The following TXNDC16 variants were observed in gnomAD, a reference collection of about 807,000 sequenced individuals.
TXNDC16 encodes thioredoxin domain containing 16.
TXNDC16 carries 74 observed loss-of-function variants against 85.6 expected under a neutral mutation model. That is an observed-to-expected ratio of 0.86 (90% confidence interval 0.72 to 1.05). The LOEUF is 1.05. TXNDC16 is among the 50% of genes least tolerant of loss of function. TXNDC16 has a pLI of 0.00. For synonymous variants in TXNDC16, 335 were observed against 326.5 expected (o/e 1.03, Z -0.28); for missense variants, 959 against 947.0 (o/e 1.01, Z -0.17).
At chr14:52,492,237 G>T (rs2036424067) in intron 9 of TXNDC16, among the ~76,000 whole-genome samples, 1 of 152,132 alleles carries the variant, frequency 6.6e-6, no homozygotes, top group Non-Finnish European at 1.5e-5. Context: ...TTTCCACTCA[G>T]TTCCCAGAAT....
intron 16 of TXNDC16, among the ~76,000 whole-genome samples, chr14:52,463,748 T>C (rs145129075): frequency 3.8e-4 from 58 of 152,348 alleles, no homozygotes; most frequent in African/African-American, 1.4e-3. Flanking sequence ...TTAAAATATA[T>C]ACGGAGGCAG....
chr14:52,460,328 A>C (rs1036776037), intron 16 of TXNDC16, among the ~76,000 whole-genome samples: 1 of 152,220 alleles, frequency 6.6e-6, no homozygotes, highest in Non-Finnish European at 1.5e-5. Context: ...AAAAAACAAT[A>C]TCATTAAAAT....
chr14:52,511,771 G>A (rs1022228941), intron 8 of TXNDC16, among the ~76,000 whole-genome samples: 1 of 152,070 alleles, frequency 6.6e-6, no homozygotes, highest in Admixed American at 6.6e-5. Flanking sequence ...GCTAAATGAA[G>A]CTTTGTAACG....
chr14:52,480,919 A>G (rs1490291656), intron 14 of TXNDC16, among the ~76,000 whole-genome samples: 1 of 149,774 alleles, frequency 6.7e-6, no homozygotes, highest in Non-Finnish European at 1.5e-5. Context: ...ATGCTCATCA[A>G]TCAACGAGTG....
chr14:52,515,111 G>T, intron 7 of TXNDC16, 141 bp from the exon 8 acceptor site: 1 of 503,098 alleles, frequency 2.0e-6, no homozygotes, highest in Non-Finnish European at 3.3e-6. Context: ...GATACTAGTT[G>T]GGAAAATGCA....
chr14:52,532,310 G>A (rs73296741), intron 6 of TXNDC16, among the ~76,000 whole-genome samples: 13,118 of 152,130 alleles, frequency 0.086, 625 homozygotes, highest in East Asian at 0.14. Context: ...AGGCCACAGT[G>A]TGATATAATT....
At chr14:52,436,492 C>T (rs2035030193) in intron 20 of TXNDC16, among the ~76,000 whole-genome samples, 1 of 152,008 alleles carries the variant, frequency 6.6e-6, no homozygotes, top group Non-Finnish European at 1.5e-5. Context: ...TGGAATTCAA[C>T]AATGGTAGTA....
intron 1 of TXNDC16, among the ~76,000 whole-genome samples, chr14:52,546,290 A>T (rs2037940890): frequency 6.6e-6 from 1 of 152,134 alleles, no homozygotes; most frequent in South Asian, 2.1e-4. Context: ...AAAACAAACA[A>T]ACAAACGAAC....
At chr14:52,479,396 T>A (rs77932281) in intron 14 of TXNDC16, among the ~76,000 whole-genome samples, 1 of 152,106 alleles carries the variant, frequency 6.6e-6, no homozygotes. Flanking sequence ...GGTGATATGA[T>A]TGTTTATCTA....
At position 52,454,649 on chromosome 14, in the gene TXNDC16, C is replaced by CAAAAAAAA. The variant is rs34727206; in HGVS notation, c.1842+667_1842+674dup. ...TGAAACCTTGTGTCTACTAAAAATA[C>CAAAAAAAA]AAAAAAAAAAAAAAAAAAAAGCCAG... On this transcript the variant is annotated intron_variant, in intron 18 of 20. Coordinates refer to ENST00000281741, the MANE Select transcript of TXNDC16 (RefSeq NM_020784.3). Among the ~76,000 whole-genome samples the CAAAAAAAA allele has an allele frequency of 1.8e-4, 11 of 60,382 alleles. 3 individuals carry two copies. The highest frequency in any genetic ancestry group is 5.9e-4 in the South Asian group (1 of 1,696). 39.6% of individuals were successfully genotyped at this position (60,382 alleles called of 152,430 possible).
chr14:52,496,297 T>A (rs1180673711), intron 9 of TXNDC16, among the ~76,000 whole-genome samples: 1 of 152,136 alleles, frequency 6.6e-6, no homozygotes, highest in Admixed American at 6.5e-5. Flanking sequence ...CACTGGTCTA[T>A]AGCAAGTCTG....
chr14:52,551,789 C>A (rs867889337), intron 1 of TXNDC16, among the ~76,000 whole-genome samples: 1 of 151,858 alleles, frequency 6.6e-6, no homozygotes, highest in African/African-American at 2.4e-5. Context: ...CCACCATCTA[C>A]CATACACAGG....
chr14:52,455,608 T>G, intron 17 of TXNDC16, 146 bp from the exon 18 acceptor site: 1 of 804,776 alleles, frequency 1.2e-6, no homozygotes, highest in Non-Finnish European at 1.9e-6. Context: ...CCAGGCAAAC[T>G]TATCTTCTAT....
rs933481474 is a variant in TXNDC16, at chr14:52,525,914, T to C, written c.393-6621A>G. On this transcript the variant is annotated intron_variant, in intron 6 of 20. Coordinates refer to ENST00000281741, the MANE Select transcript of TXNDC16 (RefSeq NM_020784.3). ...CCTACACACATCTTCCTGTATACTT[T>C]AAATCATCTCTAAATCACTTACTTA... is the stretch of plus-strand genomic sequence containing the variant. Among the ~76,000 whole-genome samples, 5 of 151,992 alleles carry C rather than the reference T, an allele frequency of 3.3e-5. No homozygotes were observed. The East Asian group carries it at 9.6e-4, about 29-fold the overall frequency.
At chr14:52,488,321 GC>G (rs1236698113) in intron 12 of TXNDC16, 41 bp downstream of exon 12, 3 of 1,606,250 alleles carry the variant, frequency 1.9e-6, no homozygotes, top group Non-Finnish European at 2.6e-6. Flanking sequence ...CTTTATGGGT[GC>G]TGGGCAGGAT....
chr14:52,530,100 T>C (rs2037466035), intron 6 of TXNDC16, among the ~76,000 whole-genome samples: 2 of 89,896 alleles, frequency 2.2e-5, no homozygotes, highest in Admixed American at 2.0e-4. Flanking sequence ...TTATATATTA[T>C]ATATATTTAT....
At chr14:52,505,189 A>T (rs2036765299) in intron 9 of TXNDC16, among the ~76,000 whole-genome samples, 1 of 152,216 alleles carries the variant, frequency 6.6e-6, no homozygotes, top group Non-Finnish European at 1.5e-5. Context: ...AAGGATATCC[A>T]GGAATTGAAT....
chr14:52,457,099 ACAT>A lies in TXNDC16; in HGVS notation c.1691_1693del (p.Asp564del). ...AGAGCAATAAACTTACAGTAGCAAA[ACAT>A]CTTCTTCAGAATAAATTCCAGTGAT... On this transcript the variant is annotated inframe_deletion, in exon 17 of 21. Transcript: ENST00000281741. The A allele has an allele frequency of 6.3e-7, 1 of 1,578,566 alleles. No homozygotes were observed. The highest frequency in any genetic ancestry group is 1.4e-5 in the African/African-American group (1 of 72,844).
chr14:52,504,546 G>T (rs1371824638), intron 9 of TXNDC16, among the ~76,000 whole-genome samples: 2 of 152,134 alleles, frequency 1.3e-5, no homozygotes, highest in Non-Finnish European at 2.9e-5. Flanking sequence ...CACCAGGCCT[G>T]CCCTAAAAGA....
Sources: allele counts gnomAD v4.1 joint callset (sites outside exome capture counted in the v4.1 genomes callset), GRCh38; gene constraint gnomAD v4.1.1; transcripts MANE v1.5; gene names NCBI Gene and HGNC (gene_info 2026-07-23, HGNC 2026-07-21).